Variants in MEI4 observed in about 807,000 individuals in gnomAD.
The protein encoded by MEI4 is meiotic double-stranded break formation protein 4, also known as meiosis-specific protein MEI4.
In MEI4, 27 loss-of-function variants were observed where a neutral mutation model predicts 31.4. The ratio of observed to expected loss-of-function variants is 0.86; its 90% CI spans 0.63 to 1.19. The LOEUF is 1.19. Ranked by LOEUF, MEI4 falls within the 50% of genes most tolerant of loss-of-function variation. The probability of loss-of-function intolerance (pLI) is 0.00; values close to 1 mark genes in which losing one functional copy is unlikely to be tolerated. For missense variants in MEI4, 329 were observed against 398.9 expected, an observed-to-expected ratio of 0.82 and a Z score of 1.49; for synonymous variants, 122 against 145.4, an observed-to-expected ratio of 0.84 and a Z score of 1.16.
At chr6:77,735,595 C>T (rs12390647) in intron 2 of MEI4, among the ~76,000 whole-genome samples, 3,160 of 152,110 alleles carry the variant, frequency 0.021, 141 homozygotes, top group African/African-American at 0.071. Context: ...TCCCGTAGCT[C>T]GGAGTAATTT....
intron 4 of MEI4, among the ~76,000 whole-genome samples, chr6:77,906,533 A>G (rs1233414264): frequency 1.3e-5 from 2 of 152,202 alleles, no homozygotes; most frequent in Non-Finnish European, 2.9e-5. Flanking sequence ...TTTAATAACA[A>G]TCACTACTAG....
At chr6:77,728,532 T>TG (rs2127666163) in intron 2 of MEI4, among the ~76,000 whole-genome samples, 1 of 152,272 alleles carries the variant, frequency 6.6e-6, no homozygotes, top group South Asian at 2.1e-4. Context: ...GATGTAGACA[T>TG]TAAAAAGTAA....
chr6:77,744,238 G>A (rs1385993605), intron 2 of MEI4, among the ~76,000 whole-genome samples: 2 of 152,084 alleles, frequency 1.3e-5, no homozygotes, highest in East Asian at 1.9e-4. Context: ...TTAGACGAAT[G>A]TATAACTAGA....
At chr6:77,779,037 G>A (rs1170647693) in intron 3 of MEI4, among the ~76,000 whole-genome samples, 1 of 152,132 alleles carries the variant, frequency 6.6e-6, no homozygotes, top group Non-Finnish European at 1.5e-5. Flanking sequence ...TACTGGCCTG[G>A]AAGTAAATTT....
chr6:77,828,479 G>T (rs1386419492), intron 3 of MEI4, among the ~76,000 whole-genome samples: 1 of 152,074 alleles, frequency 6.6e-6, no homozygotes, highest in Non-Finnish European at 1.5e-5. Context: ...ACGTGGAACA[G>T]TTTCATCTCA....
At chr6:77,658,457 C>G (rs1024836409) in intron 1 of MEI4, among the ~76,000 whole-genome samples, 12 of 151,986 alleles carry the variant, frequency 7.9e-5, no homozygotes, top group African/African-American at 2.4e-4. Context: ...GCTCAGAGGC[C>G]TGACATTCCT....
At chr6:77,884,266 T>A (rs543160178) in intron 4 of MEI4, among the ~76,000 whole-genome samples, 10 of 152,336 alleles carry the variant, frequency 6.6e-5, no homozygotes, top group African/African-American at 1.9e-4. Flanking sequence ...CCTTGTCAGA[T>A]GAACAGTTAG....
At chr6:77,700,160 G>T (rs567933667) in intron 2 of MEI4, among the ~76,000 whole-genome samples, 5 of 152,196 alleles carry the variant, frequency 3.3e-5, no homozygotes, top group South Asian at 2.1e-4. Context: ...GGCTACTGCT[G>T]TCTTTTTGTT....
At chr6:77,828,470 C>T (rs75007579) in intron 3 of MEI4, among the ~76,000 whole-genome samples, 4,994 of 152,030 alleles carry the variant, frequency 0.033, 107 homozygotes, top group Middle Eastern at 0.095. Flanking sequence ...GATGATCTGA[C>T]GTGGAACAGT....
Position 77,923,179 on chromosome 6 carries a change from G to T in MEI4, c.991G>T (p.Gly331Cys), listed in dbSNP as rs1374825225. The T allele has an allele frequency of 8.1e-7, 1 of 1,230,446 alleles. No individual in the cohort carries two copies. The highest frequency in any genetic ancestry group is 3.2e-5 in the East Asian group (1 of 31,646). 76.2% of individuals were successfully genotyped at this position (1,230,446 alleles called of 1,614,324 possible). A position where few individuals can be genotyped will look rare whatever the true frequency, so the allele number is the denominator to read the frequency against. ...EQLLQKETEE[G>C]NTSSIGHDDQ... ...GCTTCTTCAAAAGGAAACCGAAGAA[G>T]GCAACACTTCAAGTATAGGTCATGA... is the stretch of plus-strand genomic sequence containing the variant. The change falls in exon 5 of 5, where the codon GGC becomes TGC. Residue 331 changes from glycine to cysteine, a missense_variant. Physicochemically the swap from Gly to Cys is radical, Grantham distance 159. Coordinates refer to ENST00000684080, the MANE Select transcript of MEI4 (RefSeq NM_001322247.2).
At chr6:77,823,913 T>A (rs915922559) in intron 3 of MEI4, among the ~76,000 whole-genome samples, 3 of 152,166 alleles carry the variant, frequency 2.0e-5, no homozygotes, top group Non-Finnish European at 4.4e-5. Flanking sequence ...TTACAGAGGT[T>A]GATGGTGCAG....
chr6:77,802,586 C>T (rs1213280118), intron 3 of MEI4, among the ~76,000 whole-genome samples: 1 of 152,098 alleles, frequency 6.6e-6, no homozygotes. Context: ...TATAACTTGG[C>T]TTGTTTTTGC....
chr6:77,873,851 T>C (rs1282312790), intron 4 of MEI4, among the ~76,000 whole-genome samples: 7 of 152,246 alleles, frequency 4.6e-5, no homozygotes, highest in Non-Finnish European at 7.3e-5. Flanking sequence ...GCACCATTTA[T>C]TAAATAGGGA....
At chr6:77,829,862 A>G (rs1453489493) in intron 4 of MEI4, among the ~76,000 whole-genome samples, 5 of 152,164 alleles carry the variant, frequency 3.3e-5, no homozygotes, top group Non-Finnish European at 7.4e-5. Flanking sequence ...GGCTTTTAAC[A>G]AAGTACTGAC....
chr6:77,865,281 A>G (rs919059292), intron 4 of MEI4, among the ~76,000 whole-genome samples: 5 of 152,202 alleles, frequency 3.3e-5, no homozygotes, highest in Admixed American at 1.3e-4. Flanking sequence ...CAAAAAATCA[A>G]TGAATCCAGG....
chr6:77,908,552 C>A (rs71563080), intron 4 of MEI4, among the ~76,000 whole-genome samples: 16 of 151,894 alleles, frequency 1.1e-4, no homozygotes, highest in Non-Finnish European at 1.3e-4. Flanking sequence ...TTACTGTAGC[C>A]TTGTAGTATA....
At chr6:77,823,428 G>T (rs1427737386) in intron 3 of MEI4, among the ~76,000 whole-genome samples, 1 of 152,178 alleles carries the variant, frequency 6.6e-6, no homozygotes, top group South Asian at 2.1e-4. Flanking sequence ...TTCTTGTTTA[G>T]TTAAGATGTG....
At chr6:77,669,420 C>T (rs1768697241) in intron 1 of MEI4, among the ~76,000 whole-genome samples, 1 of 152,122 alleles carries the variant, frequency 6.6e-6, no homozygotes, top group Admixed American at 6.5e-5. Flanking sequence ...AACTTTTCTG[C>T]ACCATCTTTT....
chr6:77,918,917 G>A (rs1242279680), intron 4 of MEI4, among the ~76,000 whole-genome samples: 1 of 151,980 alleles, frequency 6.6e-6, no homozygotes, highest in Admixed American at 6.6e-5. Context: ...CTCATAGATA[G>A]CACTTATTAT....
Sources: allele counts gnomAD v4.1 joint callset (sites outside exome capture counted in the v4.1 genomes callset), GRCh38; gene constraint gnomAD v4.1.1; transcripts MANE v1.5; gene names NCBI Gene and HGNC (gene_info 2026-07-23, HGNC 2026-07-21).